ZP2: variants seen among roughly 807,000 people sequenced by gnomAD.
ZP2 encodes the protein zona pellucida sperm-binding protein 2.
ZP2 carries 51 observed loss-of-function variants against 84.0 expected under a neutral mutation model. The observed-to-expected ratio is 0.61, with a 90% CI of 0.49 to 0.77. The LOEUF (loss-of-function observed/expected upper bound fraction) is 0.77, where lower values mean the gene tolerates loss of function less well. ZP2 is among the 30% of genes least tolerant of loss of function. ZP2 has a pLI of 0.00. For missense variants in ZP2, 909 were observed against 911.9 expected, an observed-to-expected ratio of 1.00 and a Z score of 0.04; for synonymous variants, 375 against 330.9, an observed-to-expected ratio of 1.13 and a Z score of -1.45.
Position 21,197,536 on chromosome 16 carries a change from C to T in ZP2, c.2182G>A (p.Ala728Thr). The T allele has an allele frequency of 2.5e-6, 4 of 1,614,160 alleles. No homozygotes were observed. The highest frequency in any genetic ancestry group is 3.4e-6 in the Non-Finnish European group (4 of 1,180,022). ...AAVAAFAGVVATLGFIYYLYE... is the reference protein window; with the variant it reads ...AAVAAFAGVVTTLGFIYYLYE... ...AGGTAGTAGATGAAGCCTAGAGTTG[C>T]CACCACACCTGCAAAGGCAGCCACA... Residue 728 changes from alanine to threonine, a missense_variant, in exon 19 of 19, where the codon GCA (alanine) becomes ACA (threonine). Ala to Thr is a moderately conservative substitution (Grantham distance 58). Coordinates refer to ENST00000574091, the MANE Select transcript of ZP2 (RefSeq NM_001376232.1).
intron 9 of ZP2, 93 bp from the exon 10 acceptor site, chr16:21,203,344 G>A (rs987148878): frequency 1.3e-5 from 20 of 1,543,928 alleles, no homozygotes; most frequent in Non-Finnish European, 1.8e-5. Flanking sequence ...AATACTTGCA[G>A]GACACACTCC....
At position 21,204,177 on chromosome 16, in the gene ZP2, G is replaced by A. The variant is rs781561602; in HGVS notation, c.825C>T (p.Leu275=). 17 of 1,614,048 alleles carry A rather than the reference G, an allele frequency of 1.1e-5. No individual in the cohort carries two copies. The highest frequency in any genetic ancestry group is 1.4e-5 in the Non-Finnish European group (17 of 1,180,024). Residue 275 remains leucine, a synonymous_variant, in exon 9 of 19, where the codon CTC becomes CTT. Transcript: ENST00000574091. ...GCTTCCCAGGAAACTCTGGTATGGT[G>A]AGAGTCATGTGTGTGGCATTGCAGG... ...PVTCNATHMT[L]TIPEFPGKLK...
chr16:21,198,890 T>C (rs972752685), intron 16 of ZP2, 28 bp from the exon 17 acceptor site: 2 of 1,604,532 alleles, frequency 1.2e-6, no homozygotes, highest in Non-Finnish European at 8.5e-7. Context: ...AGTTTGTGTT[T>C]GGCCTCTGGA....
chr16:21,199,611 A>G lies in ZP2; in HGVS notation c.1886T>C (p.Leu629Pro). The part of the protein sequence containing the change: ...ICNRLSPDSP[L>P]CSVTCPVSSR... ...GGACACAGGGCAGGTCACAGAACAC[A>G]GTGGGGAGTCAGGGGAGAGTCGATT... The change falls in exon 16 of 19, where the codon CTG becomes CCG. Residue 629 changes from leucine (L) to proline (P), a missense_variant. Leu to Pro is a moderately conservative substitution (Grantham distance 98, BLOSUM62 -3). Transcript: ENST00000574091. The G allele has an allele frequency of 6.2e-7, 1 of 1,613,722 alleles. No individual in the cohort carries two copies. The highest frequency in any genetic ancestry group is 8.5e-7 in the Non-Finnish European group (1 of 1,179,858).
chr16:21,201,588 T>G (rs751282147), intron 13 of ZP2, 30 bp from the exon 14 acceptor site: 1 of 1,601,788 alleles, frequency 6.2e-7, no homozygotes, highest in Admixed American at 1.7e-5. Context: ...AAGTAGTTAA[T>G]GGCTGCAACA....
rs1419891445 is a variant in ZP2 at position 21,197,490 on chromosome 16, GAC to G, written c.2226_2227del (p.Ser743LysfsTer?). The G allele has an allele frequency of 1.2e-6, 2 of 1,614,104 alleles. No homozygotes were observed. The highest frequency in any genetic ancestry group is 1.7e-6 in the Non-Finnish European group (2 of 1,180,008). On this transcript the variant is annotated frameshift_variant, in exon 19 of 19. Coordinates refer to ENST00000574091, the MANE Select transcript of ZP2 (RefSeq NM_001376232.1). LOFTEE classifies it high-confidence loss of function. ...TATTTAGAAGCCCATTTAGTGATTT[GAC>G]ACAGTCCTTTTCTCGTACAGGTAGT...
At chr16:21,197,689 A>G in intron 18 of ZP2, 67 bp from the exon 19 acceptor site, 3 of 1,612,470 alleles carry the variant, frequency 1.9e-6, no homozygotes, top group Non-Finnish European at 2.5e-6. Context: ...GCCTTACATA[A>G]GGCTCCCCAG....
chr16:21,202,053 C>A (rs377435401), intron 11 of ZP2, 30 bp from the exon 12 acceptor site: 75 of 1,613,424 alleles, frequency 4.6e-5, no homozygotes, highest in Non-Finnish European at 6.0e-5. Flanking sequence ...GGGTTAGCAG[C>A]CAGTTATGTC....
upstream of ZP2, among the ~76,000 whole-genome samples, chr16:21,213,533 C>T (rs943013666): frequency 1.3e-5 from 2 of 152,160 alleles, no homozygotes; most frequent in Non-Finnish European, 2.9e-5. Flanking sequence ...ATTCCAGGGT[C>T]CCACCCAAAA....
At chr16:21,201,230 G>C in intron 14 of ZP2, 139 bp downstream of exon 14, 1 of 657,482 alleles carries the variant, frequency 1.5e-6, no homozygotes, top group South Asian at 4.6e-5. Context: ...GAAGGCAGAA[G>C]AGTCCCAATT....
At chr16:21,207,099 A>G in intron 4 of ZP2, 109 bp from the exon 5 acceptor site, 3 of 1,313,728 alleles carry the variant, frequency 2.3e-6, no homozygotes, top group South Asian at 2.6e-5. Context: ...TACTAATACC[A>G]CAAGTGCTGG....
At position 21,201,822 on chromosome 16, in the gene ZP2, ACTGTCATT is replaced by A; in HGVS notation, c.1380_1387del (p.Arg460SerfsTer6). ...GTCATTCCTGCTATAAGAACACTTC[ACTGTCATT>A]CTGTAAGAGTTTGGAGGGAAGGTAG... is the stretch of plus-strand genomic sequence containing the variant. On this transcript the variant is annotated frameshift_variant and splice_region_variant, in exon 13 of 19. Transcript: ENST00000574091. LOFTEE classifies it high-confidence loss of function. The A allele has an allele frequency of 6.2e-7, 1 of 1,614,128 alleles. No homozygotes were observed. Among genetic ancestry groups the A allele is most frequent in the Admixed American group, 1.7e-5 (1 of 60,010 alleles).
At chr16:21,198,911 G>C (rs140698484) in intron 16 of ZP2, 49 bp from the exon 17 acceptor site, 2 of 1,497,864 alleles carry the variant, frequency 1.3e-6, no homozygotes, top group Admixed American at 3.4e-5. Context: ...ATAGTGGTTC[G>C]AGAGGTGTGT....
chr16:21,201,851 G>A, intron 12 of ZP2, 21 bp from the exon 13 acceptor site: 2 of 1,613,642 alleles, frequency 1.2e-6, no homozygotes, highest in South Asian at 1.1e-5. Context: ...TTGGAGGGAA[G>A]GTAGGTACAG....
At chr16:21,207,084 A>C (rs1413679154) in intron 4 of ZP2, 94 bp from the exon 5 acceptor site, 7 of 1,442,232 alleles carry the variant, frequency 4.9e-6, no homozygotes, top group Non-Finnish European at 6.7e-6. Context: ...GAAAACCCTT[A>C]AAGTTACTAA....
chr16:21,203,879 C>T, intron 9 of ZP2, 151 bp downstream of exon 9: 1 of 743,472 alleles, frequency 1.3e-6, no homozygotes, highest in Non-Finnish European at 2.2e-6. Context: ...TTCACTTATA[C>T]AAGATGATCA....
Position 21,206,872 on chromosome 16 carries a change from G to GA in ZP2, c.448dup (p.Ser150PhefsTer24), listed in dbSNP as rs765485006. ...ATCCTTCTGGCAGATTGTAGATGCT[G>GA]AAAGCCCCTGGGTCTCTTCTACTTG... On this transcript the variant is annotated frameshift_variant, in exon 5 of 19. Coordinates refer to ENST00000574091, the MANE Select transcript of ZP2 (RefSeq NM_001376232.1). LOFTEE classifies it high-confidence loss of function. 1 of 1,614,142 alleles carries GA rather than the reference G, an allele frequency of 6.2e-7. No individual in the cohort carries two copies. The highest frequency in any genetic ancestry group is 1.1e-5 in the South Asian group (1 of 91,076).
At chr16:21,214,479 A>G (rs1005075475), upstream of ZP2, 1 of 157,554 alleles carries the variant, frequency 6.3e-6, no homozygotes, top group African/African-American at 2.4e-5. Context: ...GAACAATGAG[A>G]ACACATGGAC....
In ZP2 at chr16:21,204,303, C is replaced by T. The variant is rs1567214346; in HGVS notation, c.790+5G>A. Reference sequence around the variant, plus strand: ...CACTGAGGTTGCAGCTATCTGGGACCTTACCTGGTGCACAAATAGCTTGTG... The same window carrying T: ...CACTGAGGTTGCAGCTATCTGGGACTTTACCTGGTGCACAAATAGCTTGTG... On this transcript the variant is annotated splice_donor_5th_base_variant and intron_variant, in intron 8 of 18. Transcript: ENST00000574091. The T allele has an allele frequency of 2.5e-6, 4 of 1,614,024 alleles. No individual in the cohort carries two copies. The highest frequency in any genetic ancestry group is 3.4e-6 in the Non-Finnish European group (4 of 1,179,946).
Sources: allele counts gnomAD v4.1 joint callset (sites outside exome capture counted in the v4.1 genomes callset), GRCh38; gene constraint gnomAD v4.1.1; transcripts MANE v1.5; gene names NCBI Gene and HGNC (gene_info 2026-07-23, HGNC 2026-07-21).